PCDHGA4: variants seen among roughly 807,000 people sequenced by gnomAD.
PCDHGA4 encodes protocadherin gamma subfamily A, 4.
A neutral mutation model predicts 54.6 loss-of-function variants in PCDHGA4; 38 were observed. The observed-to-expected ratio is 0.70, with a 90% CI of 0.54 to 0.91. The LOEUF is 0.91. Ranked by LOEUF, PCDHGA4 falls within the 40% of genes least tolerant of loss-of-function variation. The pLI, the probability that PCDHGA4 is intolerant of heterozygous loss-of-function variation, is 0.00. For synonymous variants in PCDHGA4, 511 were observed against 512.9 expected (o/e 1.00, Z 0.05); for missense variants, 1,298 against 1,220.9 (o/e 1.06, Z -0.94).
chr5:141,420,394 C>A, intron 1 of PCDHGA4: 2 of 1,260,296 alleles, frequency 1.6e-6, no homozygotes, highest in Non-Finnish European at 2.1e-6. Flanking sequence ...AAATATAGGT[C>A]AAATTTATGG....
intron 1 of PCDHGA4, among the ~76,000 whole-genome samples, chr5:141,465,140 G>A (rs1019369475): frequency 5.3e-5 from 8 of 151,554 alleles, no homozygotes; most frequent in Non-Finnish European, 7.4e-5. Context: ...AAGTTTAGGG[G>A]ATATATGAAG....
rs780685517 is a variant in PCDHGA4 at position 141,489,548 on chromosome 5, T to C, written c.2515-5259T>C. 6.2e-7 allele frequency: 1 copy of C among 1,614,136 alleles called. No individual in the cohort carries two copies. Among genetic ancestry groups the C allele is most frequent in the South Asian group, 1.1e-5 (1 of 91,086 alleles). On this transcript the variant is annotated intron_variant, in intron 1 of 3. Coordinates refer to ENST00000571252, the MANE Select transcript of PCDHGA4 (RefSeq NM_018917.4). This position sits in a 1 kb window ranked among gnomAD's most constrained non-coding sequence, Gnocchi z 4.5. ...CTATGTGGAGCCAGCACCAGCTGCCTGCTGCCAGTGCAGGTGGTGACTGAA... is the reference window on the plus strand; with the variant it reads ...CTATGTGGAGCCAGCACCAGCTGCCCGCTGCCAGTGCAGGTGGTGACTGAA...
chr5:141,357,661 T>C, intron 1 of PCDHGA4, 40 bp downstream of exon 1: 5 of 1,605,092 alleles, frequency 3.1e-6, no homozygotes, highest in Non-Finnish European at 4.3e-6. Flanking sequence ...CACTGAAATA[T>C]AGACAAAGAG....
chr5:141,361,088 G>A (rs1413584575), intron 1 of PCDHGA4: 2 of 1,613,904 alleles, frequency 1.2e-6, no homozygotes, highest in African/African-American at 1.3e-5. Context: ...TACACTCTGA[G>A]TATCGAAGCA....
At chr5:141,412,713 TG>T (rs1172943618) in intron 1 of PCDHGA4, 2 of 152,812 alleles carry the variant, frequency 1.3e-5, no homozygotes, top group Non-Finnish European at 2.9e-5. Context: ...TGTACATTTC[TG>T]TTGGGAAAAC....
chr5:141,413,386 G>A (rs757396075), intron 1 of PCDHGA4: 6 of 1,613,884 alleles, frequency 3.7e-6, no homozygotes, highest in African/African-American at 1.3e-5. Context: ...AGTCCGCATA[G>A]TCTCCAGAGG....
At chr5:141,398,896 C>T (rs776008122) in intron 1 of PCDHGA4, 5 of 1,613,946 alleles carry the variant, frequency 3.1e-6, no homozygotes, top group Non-Finnish European at 3.4e-6. Context: ...AAACGTGCCA[C>T]CAGGCACCAC....
chr5:141,426,802 C>G (rs2096961440), intron 1 of PCDHGA4: 1 of 456,696 alleles, frequency 2.2e-6, no homozygotes, highest in South Asian at 1.5e-5. Flanking sequence ...CAGCTCAGTT[C>G]TAATGAACAT....
At chr5:141,393,388 C>G (rs775991086) in intron 1 of PCDHGA4, 7 of 1,613,992 alleles carry the variant, frequency 4.3e-6, no homozygotes, top group Non-Finnish European at 5.9e-6. Context: ...GCCATAAACC[C>G]AGAGCTGGTG....
At position 141,485,386 on chromosome 5, in the gene PCDHGA4, C is replaced by A. The variant is rs1044608807; in HGVS notation, c.2515-9421C>A. The stretch of plus-strand genomic sequence containing the variant: ...GGCTGCAGGTCGCTGGAGAGGTGAA[C>A]CAAAGACACTTCCGTGTGGATTTGG... On this transcript the variant is annotated intron_variant, in intron 1 of 3. Coordinates refer to ENST00000571252, the MANE Select transcript of PCDHGA4 (RefSeq NM_018917.4). This position sits in a 1 kb window ranked among gnomAD's most constrained non-coding sequence, Gnocchi z 5.7. 1.2e-6 allele frequency: 2 copies of A among 1,614,104 alleles called. No homozygotes were observed. The highest frequency in any genetic ancestry group is 8.5e-7 in the Non-Finnish European group (1 of 1,180,002).
intron 1 of PCDHGA4, among the ~76,000 whole-genome samples, chr5:141,488,738 A>G (rs1462948813): frequency 1.3e-5 from 2 of 152,222 alleles, no homozygotes; most frequent in Non-Finnish European, 2.9e-5. Context: ...TTCTGAAGTC[A>G]TGCAGGAAGT....
chr5:141,364,479 A>G (rs761634575), intron 1 of PCDHGA4: 1 of 1,614,046 alleles, frequency 6.2e-7, no homozygotes, highest in East Asian at 2.2e-5. Flanking sequence ...AACATAGCCA[A>G]GGACCTTGGG....
chr5:141,375,914 G>A, intron 1 of PCDHGA4: 1 of 1,613,738 alleles, frequency 6.2e-7, no homozygotes, highest in Non-Finnish European at 8.5e-7. Context: ...CCTGCTCAAG[G>A]CCAGCGAGCC....
At chr5:141,479,206 T>C (rs987807222) in intron 1 of PCDHGA4, 3 of 152,400 alleles carry the variant, frequency 2.0e-5, no homozygotes, top group African/African-American at 7.2e-5. Context: ...CAGAAAAGTA[T>C]TTAAAAAATT....
intron 1 of PCDHGA4, chr5:141,418,454 A>G (rs1211470387): frequency 3.1e-6 from 5 of 1,613,774 alleles, no homozygotes; most frequent in Non-Finnish European, 3.4e-6. Flanking sequence ...ATTGCAGAAG[A>G]CTCTGGACCG....
chr5:141,428,052 G>A (rs750852525), intron 1 of PCDHGA4: 6 of 1,608,992 alleles, frequency 3.7e-6, no homozygotes, highest in East Asian at 4.5e-5. Context: ...GACCAAGGTG[G>A]TGGCGGTGGA....
intron 1 of PCDHGA4, among the ~76,000 whole-genome samples, chr5:141,447,688 G>A (rs188511217): frequency 1.4e-4 from 22 of 152,258 alleles, no homozygotes; most frequent in African/African-American, 4.3e-4. Context: ...TATCTTGATA[G>A]AGGGATGGGT....
In PCDHGA4 at chr5:141,476,978, C is replaced by G; in HGVS notation, c.2515-17829C>G. 1.2e-6 allele frequency: 2 copies of G among 1,614,256 alleles called. No individual in the cohort carries two copies. Among genetic ancestry groups the G allele is most frequent in the Non-Finnish European group, 1.7e-6 (2 of 1,180,058 alleles). Reference sequence around the variant, plus strand: ...TATTTACTCCTTCGGCAGCCACAACCGCGCCGGCGTGCGGCAACTATTCGC... The same window carrying G: ...TATTTACTCCTTCGGCAGCCACAACGGCGCCGGCGTGCGGCAACTATTCGC... On this transcript the variant is annotated intron_variant, in intron 1 of 3. Transcript: ENST00000571252. This position sits in a 1 kb window ranked among gnomAD's most constrained non-coding sequence, Gnocchi z 7.6.
At chr5:141,392,979 C>T (rs1356713892) in intron 1 of PCDHGA4, 4 of 1,613,718 alleles carry the variant, frequency 2.5e-6, no homozygotes, top group Admixed American at 1.7e-5. Context: ...GGGGCTGGAC[C>T]CCCGGAAGCT....
Sources: allele counts gnomAD v4.1 joint callset (sites outside exome capture counted in the v4.1 genomes callset), GRCh38; gene constraint gnomAD v4.1.1; non-coding constraint Gnocchi (gnomAD v3.1); transcripts MANE v1.5; gene names NCBI Gene and HGNC (gene_info 2026-07-23, HGNC 2026-07-21).